ARHGAP21: variants seen among roughly 807,000 people sequenced by gnomAD.
The protein encoded by ARHGAP21 is Rho GTPase activating protein 21, also known as rho GTPase-activating protein 21.
A neutral mutation model predicts 164.6 loss-of-function variants in ARHGAP21; 38 were observed. The observed-to-expected ratio is 0.23, with a 90% CI of 0.18 to 0.30. The LOEUF (loss-of-function observed/expected upper bound fraction) is 0.30, where lower values mean the gene tolerates loss of function less well. Among genes scored for constraint, ARHGAP21 ranks in the 10% least tolerant of loss-of-function variants. The pLI, the probability that ARHGAP21 is intolerant of heterozygous loss-of-function variation, is 1.00. For missense variants in ARHGAP21, 1,822 were observed against 2,370.7 expected (o/e 0.77, Z 4.81); for synonymous variants, 766 against 857.9 (o/e 0.89, Z 1.87).
intron 2 of ARHGAP21, chr10:24,706,459 T>G (rs766737685): frequency 1.3e-5 from 2 of 152,654 alleles, no homozygotes; most frequent in African/African-American, 4.8e-5. Context: ...TTATACATCA[T>G]AGCAGTTTTG....
At chr10:24,618,996 A>G (rs759661897) in intron 9 of ARHGAP21, among the ~76,000 whole-genome samples, 11 of 152,212 alleles carry the variant, frequency 7.2e-5, no homozygotes, top group African/African-American at 1.4e-4. Context: ...AATCTGTTCC[A>G]GGATTTATAG....
intron 9 of ARHGAP21, among the ~76,000 whole-genome samples, chr10:24,614,445 C>G (rs753977590): frequency 1.8e-4 from 28 of 152,086 alleles, no homozygotes; most frequent in Non-Finnish European, 3.2e-4. Context: ...ATTAAAGGAA[C>G]TAGGTGAAAA....
intron 8 of ARHGAP21, 142 bp downstream of exon 8, chr10:24,622,591 C>T (rs865902256): frequency 2.5e-5 from 21 of 849,278 alleles, no homozygotes; most frequent in Admixed American, 3.5e-5. Flanking sequence ...CTATCACAAA[C>T]GTATTCTGCA....
rs762566595 is a variant in ARHGAP21, at chr10:24,667,023, T to A, written c.244-14A>T. ...ATTTTCTTCATCCTACAAATGAAAA[T>A]ATATATATACATATATGAGTACATA... On this transcript the variant is annotated splice_polypyrimidine_tract_variant and intron_variant, in intron 3 of 25. Coordinates refer to ENST00000396432, the MANE Select transcript of ARHGAP21 (RefSeq NM_020824.4). The A allele has an allele frequency of 6.2e-6, 8 of 1,291,776 alleles. No individual in the cohort carries two copies. Among genetic ancestry groups the A allele is most frequent in the African/African-American group, 3.0e-5 (2 of 66,612 alleles). 80.0% of individuals were successfully genotyped at this position (1,291,776 alleles called of 1,614,324 possible). A position where few individuals can be genotyped will look rare whatever the true frequency, so the allele number is the denominator to read the frequency against.
At chr10:24,621,995 GAA>G (rs928904306) in intron 8 of ARHGAP21, among the ~76,000 whole-genome samples, 1 of 152,022 alleles carries the variant, frequency 6.6e-6, no homozygotes, top group East Asian at 1.9e-4. Context: ...AGAAAAACAT[GAA>G]AAAAGGTAAC....
chr10:24,594,477 T>C (rs1298397696), intron 21 of ARHGAP21, among the ~76,000 whole-genome samples: 1 of 152,078 alleles, frequency 6.6e-6, no homozygotes, highest in Non-Finnish European at 1.5e-5. Flanking sequence ...CTGTCTCTAA[T>C]ATAATTTAAA....
chr10:24,617,297 T>C (rs1834047103), intron 9 of ARHGAP21, among the ~76,000 whole-genome samples: 1 of 152,216 alleles, frequency 6.6e-6, no homozygotes, highest in Non-Finnish European at 1.5e-5. Context: ...ATTTTTTTAC[T>C]ACTCCAATGT....
intron 4 of ARHGAP21, chr10:24,648,876 G>A (rs1837875372): frequency 2.0e-6 from 2 of 984,528 alleles, no homozygotes; most frequent in African/African-American, 3.5e-5. Context: ...TTTTAATCAT[G>A]TCCTAGTCAG....
chr10:24,633,883 C>CTTTT lies in ARHGAP21; in HGVS notation c.362-407_362-404dup, dbSNP rs3073324. ...CTCCACGTACCCTGTCTTTTTTTCT[C>CTTTT]TTTTTTTTTTTTTTTTTTTTTTTTT... is the stretch of plus-strand genomic sequence containing the variant. On this transcript the variant is annotated intron_variant, in intron 5 of 25. Coordinates refer to ENST00000396432, the MANE Select transcript of ARHGAP21 (RefSeq NM_020824.4). Among the ~76,000 whole-genome samples, 215 of 75,504 alleles carry CTTTT rather than the reference C, an allele frequency of 2.8e-3. 16 individuals are homozygous for CTTTT. The highest frequency in any genetic ancestry group is 0.012 in the Middle Eastern group (1 of 86). The allele number at this position is 75,504 out of a possible 152,430, so 49.5% of individuals were successfully genotyped here. A position where few individuals can be genotyped will look rare whatever the true frequency, so the allele number is the denominator to read the frequency against.
intron 5 of ARHGAP21, among the ~76,000 whole-genome samples, chr10:24,634,776 G>C (rs183980156): frequency 3.9e-4 from 60 of 152,280 alleles, no homozygotes; most frequent in African/African-American, 1.4e-3. Flanking sequence ...TCTATCATCT[G>C]TGTGGTAATT....
chr10:24,595,682 A>T, intron 19 of ARHGAP21, 35 bp downstream of exon 19: 1 of 1,577,008 alleles, frequency 6.3e-7, no homozygotes, highest in Non-Finnish European at 8.7e-7. Context: ...AACTTGAACC[A>T]TTTCATCTGG....
intron 1 of ARHGAP21, among the ~76,000 whole-genome samples, chr10:24,722,949 C>T (rs956247074): frequency 5.9e-5 from 9 of 151,988 alleles, no homozygotes; most frequent in Non-Finnish European, 8.8e-5. Flanking sequence ...GCTTTTCCCC[C>T]AACTACCACT....
intron 2 of ARHGAP21, among the ~76,000 whole-genome samples, chr10:24,712,579 C>G (rs530685657): frequency 6.6e-6 from 1 of 152,216 alleles, no homozygotes; most frequent in Admixed American, 6.5e-5. Context: ...GGAATAATGA[C>G]AAGAACAAAA....
intron 7 of ARHGAP21, 38 bp from the exon 8 acceptor site, chr10:24,622,800 C>G: frequency 6.3e-7 from 1 of 1,595,734 alleles, no homozygotes; most frequent in Non-Finnish European, 8.6e-7. Context: ...AAGCTGCTTA[C>G]TGATATAAAG....
intron 15 of ARHGAP21, 136 bp downstream of exon 15, chr10:24,597,809 A>G: frequency 9.1e-7 from 1 of 1,101,360 alleles, no homozygotes; most frequent in Admixed American, 2.5e-5. Flanking sequence ...GGGAAAAAAT[A>G]TAGCGTAGAG....
Position 24,604,331 on chromosome 10 carries a change from G to C in ARHGAP21, c.2702C>G (p.Ser901Cys), listed in dbSNP as rs762182586. The C allele has an allele frequency of 1.3e-6, 2 of 1,592,276 alleles. No homozygotes were observed. The highest frequency in any genetic ancestry group is 1.7e-6 in the Non-Finnish European group (2 of 1,170,244). The change falls in exon 12 of 26, where the codon TCT becomes TGT. Residue 901 changes from serine (S) to cysteine (C), a missense_variant. This residue lies in a region of ARHGAP21 where 1,090 missense variants were observed against 1,378.9 expected (regional missense o/e 0.79). Coordinates refer to ENST00000396432, the MANE Select transcript of ARHGAP21 (RefSeq NM_020824.4). ...ACCAACCTTGATTCCCTTCAGACTA[G>C]ATACGTGCTTAAAGGACCTGTTGGG... is the stretch of plus-strand genomic sequence containing the variant. ...EDAKLSFKHV[S>C]SLKGIKIADS... is the part of the protein sequence containing the mutation.
chr10:24,591,953 G>C lies in ARHGAP21; in HGVS notation c.3936C>G (p.Asp1312Glu). 6.2e-7 allele frequency: 1 copy of C among 1,613,750 alleles called. No individual in the cohort carries two copies. The highest frequency in any genetic ancestry group is 8.5e-7 in the Non-Finnish European group (1 of 1,179,876). ...FGPTLVRTSE[D>E]NMTHMVTHMP... ...TGTGGGTGACCATGTGGGTCATGTT[G>C]TCTTCTGATGTTCGAACAAGGGTGG... is the stretch of plus-strand genomic sequence containing the variant. The change falls in exon 22 of 26, where the codon GAC becomes GAG. Residue 1312 changes from aspartate (D) to glutamate (E), a missense_variant. Coordinates refer to ENST00000396432, the MANE Select transcript of ARHGAP21 (RefSeq NM_020824.4).
At chr10:24,631,383 T>C (rs1385178057) in intron 6 of ARHGAP21, among the ~76,000 whole-genome samples, 1 of 143,240 alleles carries the variant, frequency 7.0e-6, no homozygotes, top group Non-Finnish European at 1.5e-5. Context: ...AATAATAAAA[T>C]AAAATAAAAT....
chr10:24,647,129 GC>G (rs1377912649), intron 4 of ARHGAP21, among the ~76,000 whole-genome samples: 1 of 152,036 alleles, frequency 6.6e-6, no homozygotes, highest in Non-Finnish European at 1.5e-5. Context: ...TTTCTTGGCT[GC>G]CAAATTAACT....
Sources: gnomAD v4.1 joint callset for allele counts (sites outside exome capture counted in the v4.1 genomes callset) on GRCh38, gnomAD v4.1.1 for gene constraint, gnomAD v4.1.1 regional missense constraint, MANE v1.5 for transcripts, NCBI Gene and HGNC (gene_info 2026-07-23, HGNC 2026-07-21) for gene names.